The following DOCK5 variants were observed in gnomAD, a reference collection of about 807,000 sequenced individuals.
DOCK5 encodes dedicator of cytokinesis protein 5.
A neutral mutation model predicts 251.8 loss-of-function variants in DOCK5; 142 were observed. The ratio of observed to expected loss-of-function variants is 0.56; its 90% confidence interval spans 0.49 to 0.65. The LOEUF is 0.65. Among genes scored for constraint, DOCK5 ranks in the 30% least tolerant of loss-of-function variants. DOCK5 has a pLI of 0.00. For synonymous variants in DOCK5, 842 were observed against 835.5 expected, an observed-to-expected ratio of 1.01 and a Z score of -0.13; for missense variants, 2,111 against 2,312.3, an observed-to-expected ratio of 0.91 and a Z score of 1.79.
At position 25,352,550 on chromosome 8, in the gene DOCK5, C is replaced by T. The variant is rs189111304; in HGVS notation, c.2850+724C>T. Among the ~76,000 whole-genome samples, 379 of 152,142 alleles carry T rather than the reference C, an allele frequency of 2.5e-3. 1 individual carries two copies. Among genetic ancestry groups the T allele is most frequent in the African/African-American group, 8.4e-3 (350 of 41,506 alleles). ...CATTAAAGTGAAGCATCTTTTACTT[C>T]CTATATTAAAAGCTTCCTATATTAA... is the stretch of plus-strand genomic sequence containing the variant. On this transcript the variant is annotated intron_variant, in intron 27 of 51. Coordinates refer to ENST00000276440, the MANE Select transcript of DOCK5 (RefSeq NM_024940.8).
At chr8:25,248,793 A>G (rs1281600000) in intron 2 of DOCK5, among the ~76,000 whole-genome samples, 3 of 152,066 alleles carry the variant, frequency 2.0e-5, no homozygotes, top group Admixed American at 6.6e-5. Flanking sequence ...CTCAGCAACA[A>G]TCTATTGAAT....
chr8:25,316,636 G>A (rs890755129), intron 13 of DOCK5, among the ~76,000 whole-genome samples: 1 of 152,090 alleles, frequency 6.6e-6, no homozygotes, highest in African/African-American at 2.4e-5. Flanking sequence ...GCACTCAATA[G>A]ACAATTGCCT....
At position 25,236,254 on chromosome 8, in the gene DOCK5, C is replaced by T. The variant is rs17188314; in HGVS notation, c.44-7420C>T. On this transcript the variant is annotated intron_variant, in intron 1 of 51. Transcript: ENST00000276440. ...GCTGATGTCCTAACCTGATAGCCTC[C>T]GTCCTGGATGGGTCTGAGCAGAGAG... Among the ~76,000 whole-genome samples, 1,512 of 152,290 alleles carry T rather than the reference C, an allele frequency of 9.9e-3. 17 individuals carry two copies. Among genetic ancestry groups the T allele is most frequent in the Non-Finnish European group, 0.013 (916 of 68,024 alleles).
At chr8:25,262,191 C>T (rs1803605912) in intron 2 of DOCK5, among the ~76,000 whole-genome samples, 1 of 152,124 alleles carries the variant, frequency 6.6e-6, no homozygotes, top group African/African-American at 2.4e-5. Flanking sequence ...GTTCCAGTTG[C>T]TCCATCTCCT....
chr8:25,270,007 G>A (rs759939926), intron 3 of DOCK5, among the ~76,000 whole-genome samples: 6 of 152,144 alleles, frequency 3.9e-5, no homozygotes, highest in Non-Finnish European at 8.8e-5. Flanking sequence ...AACCAGGACT[G>A]CTTCTGCATT....
At chr8:25,408,684 C>T (rs1472335446) in intron 49 of DOCK5, 118 bp from the exon 50 acceptor site, 11 of 1,206,648 alleles carry the variant, frequency 9.1e-6, no homozygotes, top group Non-Finnish European at 8.2e-6. Context: ...GCTTAAAAAT[C>T]GCTCCTTCAG....
chr8:25,391,913 A>G lies in DOCK5; in HGVS notation c.4373A>G (p.Glu1458Gly), dbSNP rs761426731. Residue 1458 changes from glutamate to glycine, a missense_variant, in exon 43 of 52, where the codon GAA becomes GGA. This residue lies in a region of DOCK5 where 1,717 missense variants were observed against 1,892.4 expected (regional missense o/e 0.91). Coordinates refer to ENST00000276440, the MANE Select transcript of DOCK5 (RefSeq NM_024940.8). ...EQILNYYRAN[E>G]VQQFRYSRPF... The stretch of plus-strand genomic sequence containing the variant: ...TTCTCCAGCTACTACAGAGCCAATG[A>G]AGTGCAGCAGTTCAGATACTCCCGG... The G allele has an allele frequency of 6.2e-7, 1 of 1,613,916 alleles. No individual in the cohort carries two copies. Among genetic ancestry groups the G allele is most frequent in the South Asian group, 1.1e-5 (1 of 91,048 alleles).
chr8:25,273,275 C>T (rs1803960050), intron 3 of DOCK5, among the ~76,000 whole-genome samples: 1 of 152,154 alleles, frequency 6.6e-6, no homozygotes, highest in African/African-American at 2.4e-5. Context: ...CCTGGCACTG[C>T]AAAGGACAGT....
In DOCK5 at chr8:25,325,474, C is replaced by T. The variant is rs1421289732; in HGVS notation, c.1830C>T (p.Thr610=). The part of the protein sequence containing the change: ...LQASKNLVTF[T]PSKDSTKDSF... ...CATCCAAAAACCTGGTCACCTTCAC[C>T]CCAAGCAAGGATAGCACTAAAGACA... The change falls in exon 18 of 52, where the codon ACC becomes ACT. Residue 610 remains threonine (T), a synonymous_variant. Transcript: ENST00000276440. 31 of 1,613,720 alleles carry T rather than the reference C, an allele frequency of 1.9e-5. No homozygotes were observed. The highest frequency in any genetic ancestry group is 2.4e-5 in the Non-Finnish European group (28 of 1,179,786).
intron 2 of DOCK5, among the ~76,000 whole-genome samples, chr8:25,265,128 G>C (rs1163012145): frequency 6.6e-6 from 1 of 151,420 alleles, no homozygotes; most frequent in African/African-American, 2.4e-5. Flanking sequence ...TAATACCTGT[G>C]TCTGGTAATT....
In DOCK5 at chr8:25,268,865, C is replaced by A; in HGVS notation, c.148C>A (p.Leu50Ile). ...GACAGGTTGGTACAGAGGATATACC[C>A]TCCAAAATAAATCTAAAAAGGTATG... ...MYEGWYRGYT[L>I]QNKSKKGIFP... is the part of the protein sequence containing the mutation. The change falls in exon 3 of 52, where the codon CTC (leucine) becomes ATC (isoleucine). Residue 50 changes from leucine (L) to isoleucine (I), a missense_variant. By Grantham distance (5) the Leu-to-Ile change is conservative. Coordinates refer to ENST00000276440, the MANE Select transcript of DOCK5 (RefSeq NM_024940.8). 1 of 1,561,738 alleles carries A rather than the reference C, an allele frequency of 6.4e-7. No homozygotes were observed. The highest frequency in any genetic ancestry group is 8.6e-7 in the Non-Finnish European group (1 of 1,159,074).
intron 27 of DOCK5, among the ~76,000 whole-genome samples, chr8:25,354,184 G>A (rs1800525187): frequency 6.6e-6 from 1 of 151,900 alleles, no homozygotes; most frequent in Non-Finnish European, 1.5e-5. Flanking sequence ...AACAGATGGA[G>A]TGCAATTTAG....
At chr8:25,298,526 C>G (rs980985473) in intron 7 of DOCK5, among the ~76,000 whole-genome samples, 1 of 152,188 alleles carries the variant, frequency 6.6e-6, no homozygotes, top group Admixed American at 6.5e-5. Context: ...CATTTGTCCA[C>G]TTACATACAC....
chr8:25,268,093 C>T (rs897432059), intron 2 of DOCK5, among the ~76,000 whole-genome samples: 10 of 152,006 alleles, frequency 6.6e-5, no homozygotes, highest in Admixed American at 6.6e-5. Context: ...AAACTTCTGA[C>T]GTCATGATCC....
rs559822179 is a variant in DOCK5 at position 25,332,686 on chromosome 8, C to T, written c.2085C>T (p.Asp695=). The change falls in exon 20 of 52, where the codon GAC becomes GAT. Residue 695 remains aspartate (D), a synonymous_variant. Transcript: ENST00000276440. ...DSETYDFLVF[D]ALVFIISLIG... The stretch of plus-strand genomic sequence containing the variant: ...AAACCTATGACTTCCTTGTGTTTGA[C>T]GCACTGGTAAGCAGTTAAACATATT... The T allele has an allele frequency of 5.8e-5, 93 of 1,610,276 alleles. No individual in the cohort carries two copies. In the East Asian group the frequency reaches 1.4e-3, roughly 24 times the overall value.
rs1012323211 is a variant in DOCK5, at chr8:25,392,725, G to A, written c.4441-71G>A. The A allele has an allele frequency of 2.1e-5, 28 of 1,332,414 alleles. No homozygotes were observed. In the South Asian group the frequency reaches 2.5e-4, roughly 12 times the overall value. 82.5% of individuals were successfully genotyped at this position (1,332,414 alleles called of 1,614,324 possible). A position where few individuals can be genotyped will look rare whatever the true frequency, so the allele number is the denominator to read the frequency against. On this transcript the variant is annotated intron_variant, in intron 43 of 51. Transcript: ENST00000276440. Reference sequence around the variant, plus strand: ...CAGGGAGTCTTGCTGTTTTCCCTGGGAATTGACCAACATTTCATGTTTTCC... The same window carrying A: ...CAGGGAGTCTTGCTGTTTTCCCTGGAAATTGACCAACATTTCATGTTTTCC...
chr8:25,253,820 C>T (rs1039017658), intron 2 of DOCK5, among the ~76,000 whole-genome samples: 1 of 152,188 alleles, frequency 6.6e-6, no homozygotes, highest in Non-Finnish European at 1.5e-5. Context: ...GTCAGTTCTT[C>T]TGAAGTTGAT....
intron 1 of DOCK5, among the ~76,000 whole-genome samples, chr8:25,223,077 A>G (rs1187137877): frequency 2.6e-5 from 4 of 152,290 alleles, no homozygotes; most frequent in African/African-American, 9.6e-5. Flanking sequence ...TGGAATATGT[A>G]TTCAGGGTCT....
intron 34 of DOCK5, among the ~76,000 whole-genome samples, chr8:25,370,352 A>AT (rs1375761176): frequency 6.6e-6 from 1 of 151,916 alleles, no homozygotes. Context: ...CCAACACTTC[A>AT]TTTTTTTTCC....
Sources: allele counts gnomAD v4.1 joint callset (sites outside exome capture counted in the v4.1 genomes callset), GRCh38; gene constraint gnomAD v4.1.1; regional missense constraint gnomAD v4.1.1; transcripts MANE v1.5; gene names NCBI Gene and HGNC (gene_info 2026-07-23, HGNC 2026-07-21).